Variants in ARV1 observed in about 807,000 individuals in gnomAD.
ARV1 encodes the protein ARV1 fatty acid homeostasis modulator.
A neutral mutation model predicts 31.1 loss-of-function variants in ARV1; 26 were observed. The observed-to-expected ratio is 0.84, with a 90% CI of 0.61 to 1.16. The LOEUF (loss-of-function observed/expected upper bound fraction) is 1.16, where lower values mean the gene tolerates loss of function less well. Ranked by LOEUF, ARV1 falls within the 50% of genes most tolerant of loss-of-function variation. ARV1 has a pLI of 0.00. For missense variants in ARV1, 281 were observed against 324.9 expected (o/e 0.86, Z 1.04); for synonymous variants, 117 against 123.2 (o/e 0.95, Z 0.34).
At chr1:230,997,462 C>T (rs1679402809) in intron 5 of ARV1, among the ~76,000 whole-genome samples, 195 bp downstream of exon 5, 1 of 152,158 alleles carries the variant, frequency 6.6e-6, no homozygotes, top group African/African-American at 2.4e-5. Context: ...TTTTGTCACC[C>T]TCTGGGACAT....
At chr1:230,996,806 A>G (rs113752137) in intron 4 of ARV1, among the ~76,000 whole-genome samples, 11 of 152,184 alleles carry the variant, frequency 7.2e-5, no homozygotes, top group Admixed American at 4.6e-4. Context: ...AAACTGTGAC[A>G]CTGAAAGTAT....
chr1:230,984,223 C>G (rs1188718594), intron 1 of ARV1, among the ~76,000 whole-genome samples: 1 of 152,132 alleles, frequency 6.6e-6, no homozygotes, highest in African/African-American at 2.4e-5. Context: ...GCACTCCAGG[C>G]CTAGGCGACA....
intron 3 of ARV1, among the ~76,000 whole-genome samples, chr1:230,992,839 C>G (rs1420962523): frequency 6.6e-6 from 1 of 152,160 alleles, no homozygotes; most frequent in African/African-American, 2.4e-5. Context: ...AAAATCTCCG[C>G]CTCCATTATT....
chr1:230,989,030 A>AT (rs1187168513), intron 2 of ARV1, among the ~76,000 whole-genome samples: 1 of 152,212 alleles, frequency 6.6e-6, no homozygotes, highest in East Asian at 1.9e-4. Flanking sequence ...CCATGAATTA[A>AT]TTTTTTAGTA....
At chr1:230,995,460 A>C (rs866849379) in intron 3 of ARV1, among the ~76,000 whole-genome samples, 6 of 152,188 alleles carry the variant, frequency 3.9e-5, no homozygotes, top group African/African-American at 9.7e-5. Context: ...GCAGAATCTT[A>C]CTTCCTTCAA....
At chr1:230,997,637 C>A (rs112022117) in intron 5 of ARV1, among the ~76,000 whole-genome samples, 4 of 152,160 alleles carry the variant, frequency 2.6e-5, no homozygotes, top group South Asian at 2.1e-4. Context: ...CTGCCTTTCT[C>A]ACCTCTTAGT....
chr1:230,983,475 A>T (rs1046921089), intron 1 of ARV1, among the ~76,000 whole-genome samples: 1 of 152,096 alleles, frequency 6.6e-6, no homozygotes, highest in African/African-American at 2.4e-5. Context: ...AAGTGCACAG[A>T]TATTTAACAA....
chr1:230,996,014 A>G (rs559034492), intron 4 of ARV1, 30 bp downstream of exon 4: 1 of 1,572,740 alleles, frequency 6.4e-7, no homozygotes, highest in African/African-American at 1.4e-5. Context: ...CTGCCTTCTC[A>G]GTTTTCAACC....
intron 4 of ARV1, 49 bp from the exon 5 acceptor site, chr1:230,997,072 A>G: frequency 4.4e-6 from 7 of 1,591,152 alleles, no homozygotes; most frequent in Non-Finnish European, 6.0e-6. Context: ...TTTACATGTC[A>G]ATATCGTTTC....
intron 3 of ARV1, among the ~76,000 whole-genome samples, chr1:230,993,260 TA>T (rs925817786): frequency 2.3e-4 from 34 of 148,846 alleles, no homozygotes; most frequent in South Asian, 4.3e-4. Flanking sequence ...CTGGCTAATT[TA>T]AAAAAAAAAA....
At chr1:230,983,467 G>A (rs1034472558) in intron 1 of ARV1, among the ~76,000 whole-genome samples, 2 of 150,008 alleles carry the variant, frequency 1.3e-5, no homozygotes, top group Admixed American at 6.6e-5. Flanking sequence ...CTTATTTTAA[G>A]TGCACAGATA....
intron 1 of ARV1, among the ~76,000 whole-genome samples, chr1:230,985,976 G>T (rs10864646): frequency 0.098 from 14,893 of 151,566 alleles, 730 homozygotes; most frequent in Middle Eastern, 0.2. Flanking sequence ...GAGTGCAGTG[G>T]CGTGAACTCA....
chr1:230,994,459 C>A (rs908735548), intron 3 of ARV1, among the ~76,000 whole-genome samples: 3 of 151,858 alleles, frequency 2.0e-5, no homozygotes, highest in Non-Finnish European at 2.9e-5. Context: ...TTGTAGCTGA[C>A]AAGTCTTTTA....
At chr1:230,995,282 A>G (rs950192399) in intron 3 of ARV1, among the ~76,000 whole-genome samples, 3 of 152,230 alleles carry the variant, frequency 2.0e-5, no homozygotes, top group Admixed American at 6.5e-5. Context: ...TCAGTTAACA[A>G]TATTAAAAAA....
chr1:230,996,531 C>G (rs962103504), intron 4 of ARV1, among the ~76,000 whole-genome samples: 2 of 152,146 alleles, frequency 1.3e-5, no homozygotes, highest in Non-Finnish European at 2.9e-5. Flanking sequence ...ACTACAGCCT[C>G]TACTTCCTGA....
intron 5 of ARV1, among the ~76,000 whole-genome samples, chr1:230,997,561 C>T (rs1479860262): frequency 6.6e-6 from 1 of 152,120 alleles, no homozygotes; most frequent in Non-Finnish European, 1.5e-5. Context: ...GGATTGCAGA[C>T]TCTAAAACTG....
Position 230,979,139 on chromosome 1 carries a change from G to C in ARV1, c.34G>C (p.Gly12Arg). Residue 12 changes from glycine to arginine, a missense_variant, in exon 1 of 6, where the codon GGG becomes CGG. Physicochemically the swap from Gly to Arg is moderately radical, Grantham distance 125 (BLOSUM62 -2). Transcript: ENST00000310256. The part of the protein sequence containing the change: ...GNGGRSGLQQ[G>R]KGNVDGVAAT... ...CGGCGGGCGGAGCGGCCTGCAGCAG[G>C]GGAAGGGGAACGTGGATGGGGTGGC... is the stretch of plus-strand genomic sequence containing the variant. The C allele has an allele frequency of 6.2e-7, 1 of 1,611,048 alleles. No homozygotes were observed. The highest frequency in any genetic ancestry group is 8.5e-7 in the Non-Finnish European group (1 of 1,179,184).
Position 230,979,738 on chromosome 1 carries a change from T to A in ARV1, c.174+459T>A, listed in dbSNP as rs146495789. Among the ~76,000 whole-genome samples, 341 of 152,284 alleles carry A rather than the reference T, an allele frequency of 2.2e-3. 3 individuals are homozygous for A. The highest frequency in any genetic ancestry group is 3.8e-3 in the Admixed American group (58 of 15,310). ...GGTGTACAAAGCACTATGCTAGACG[T>A]TGGTGGTACAAAACCCAAAAGTGAG... On this transcript the variant is annotated intron_variant, in intron 1 of 5. Coordinates refer to ENST00000310256, the MANE Select transcript of ARV1 (RefSeq NM_022786.3).
intron 1 of ARV1, among the ~76,000 whole-genome samples, chr1:230,981,698 T>G (rs1678913480): frequency 6.6e-6 from 1 of 152,202 alleles, no homozygotes; most frequent in African/African-American, 2.4e-5. Context: ...GATCATATCA[T>G]CTCTTTGACC....
Sources: gnomAD v4.1 joint callset for allele counts (sites outside exome capture counted in the v4.1 genomes callset) on GRCh38, gnomAD v4.1.1 for gene constraint, MANE v1.5 for transcripts, NCBI Gene and HGNC (gene_info 2026-07-23, HGNC 2026-07-21) for gene names.